The following LINGO2 variants were observed in gnomAD, a reference collection of about 807,000 sequenced individuals.
The protein encoded by LINGO2 is leucine-rich repeat and immunoglobulin-like domain-containing nogo receptor-interacting protein 2.
In LINGO2, 14 loss-of-function variants were observed where a neutral mutation model predicts 30.6. The observed-to-expected ratio is 0.46, with a 90% CI of 0.30 to 0.72. The LOEUF is 0.72. Ranked by LOEUF, LINGO2 falls within the 30% of genes least tolerant of loss-of-function variation. The pLI, the probability that LINGO2 is intolerant of heterozygous loss-of-function variation, is 0.07. For synonymous variants in LINGO2, 317 were observed against 288.5 expected (o/e 1.10, Z -1.00); for missense variants, 729 against 751.7 (o/e 0.97, Z 0.35).
At chr9:29,003,965 T>C in the LINGO2 span, among the ~76,000 whole-genome samples, 22,777 of 151,962 alleles carry the variant, frequency 0.15, 2,078 homozygotes, top group South Asian at 0.2. Flanking sequence ...AAAATCTAAA[T>C]TGACTCTATT....
chr9:29,103,466 A>G, the LINGO2 span, among the ~76,000 whole-genome samples: 9 of 152,092 alleles, frequency 5.9e-5, no homozygotes, highest in Non-Finnish European at 1.2e-4. Flanking sequence ...CTATAGCAAC[A>G]TAATAATTTA....
the LINGO2 span, among the ~76,000 whole-genome samples, chr9:29,045,254 T>A: frequency 1.3e-5 from 2 of 152,080 alleles, no homozygotes; most frequent in Non-Finnish European, 2.9e-5. Context: ...ATCTCTGGAA[T>A]GTTCCGTTTA....
At chr9:27,998,632 G>A (rs926754149) in intron 5 of LINGO2, among the ~76,000 whole-genome samples, 1 of 152,124 alleles carries the variant, frequency 6.6e-6, no homozygotes, top group Non-Finnish European at 1.5e-5. Flanking sequence ...TGAAAAAGAA[G>A]TAGCTGTGCG....
the LINGO2 span, among the ~76,000 whole-genome samples, chr9:29,006,646 T>C: frequency 1.3e-5 from 2 of 152,086 alleles, no homozygotes; most frequent in African/African-American, 4.8e-5. Context: ...TTTTTTCTTT[T>C]TCTTGTAGCA....
chr9:29,036,677 A>C, the LINGO2 span, among the ~76,000 whole-genome samples: 1 of 152,016 alleles, frequency 6.6e-6, no homozygotes, highest in African/African-American at 2.4e-5. Flanking sequence ...GATCACTATC[A>C]CTCATTCCAT....
intron 3 of LINGO2, among the ~76,000 whole-genome samples, chr9:28,367,119 A>T (rs370528203): frequency 1.4e-5 from 1 of 69,532 alleles, no homozygotes; most frequent in Non-Finnish European, 2.9e-5. Context: ...AAGTCAGCAC[A>T]TATTATTATG....
the LINGO2 span, among the ~76,000 whole-genome samples, chr9:28,919,284 C>T: frequency 3.3e-5 from 5 of 152,018 alleles, no homozygotes; most frequent in Non-Finnish European, 7.4e-5. Context: ...GCCATGAATC[C>T]GTATGATGAT....
chr9:28,013,404 G>T (rs1302694443), intron 4 of LINGO2, among the ~76,000 whole-genome samples: 1 of 152,180 alleles, frequency 6.6e-6, no homozygotes, highest in South Asian at 2.1e-4. Context: ...CTTATCTGCT[G>T]TACTCAGGGA....
intron 1 of LINGO2, among the ~76,000 whole-genome samples, chr9:28,510,682 A>ATGTGTG (rs55645356): frequency 6.7e-6 from 1 of 150,302 alleles, no homozygotes; most frequent in African/African-American, 2.4e-5. Flanking sequence ...CTGTATATAT[A>ATGTGTG]TGTGTGTGTG....
intron 4 of LINGO2, among the ~76,000 whole-genome samples, chr9:28,096,217 G>T (rs138497364): frequency 1.9e-4 from 29 of 152,194 alleles, no homozygotes; most frequent in African/African-American, 6.5e-4. Context: ...AACAGTAATA[G>T]GGATTAAATA....
At chr9:28,894,821 A>T in the LINGO2 span, among the ~76,000 whole-genome samples, 1 of 152,232 alleles carries the variant, frequency 6.6e-6, no homozygotes, top group East Asian at 1.9e-4. Flanking sequence ...CAAGCTAATC[A>T]ACATATGAAT....
At chr9:28,675,926 CAT>C in the LINGO2 span, among the ~76,000 whole-genome samples, 732 of 87,208 alleles carry the variant, frequency 8.4e-3, 12 homozygotes, top group African/African-American at 0.037. Context: ...TATATATATA[CAT>C]ACACACACAC....
At chr9:28,505,883 T>G (rs2135336431) in intron 1 of LINGO2, among the ~76,000 whole-genome samples, 1 of 152,030 alleles carries the variant, frequency 6.6e-6, no homozygotes, top group Admixed American at 6.6e-5. Flanking sequence ...CTATCCCAAA[T>G]ACTGATGACT....
chr9:28,949,967 T>A, the LINGO2 span, among the ~76,000 whole-genome samples: 1 of 151,848 alleles, frequency 6.6e-6, no homozygotes, highest in Non-Finnish European at 1.5e-5. Flanking sequence ...GCTGGTTCAA[T>A]ATACACAAGT....
chr9:28,740,069 T>A, the LINGO2 span, among the ~76,000 whole-genome samples: 1 of 151,726 alleles, frequency 6.6e-6, no homozygotes, highest in East Asian at 1.9e-4. Context: ...TTGTTTTTGA[T>A]TTCTCACTTA....
chr9:28,059,282 T>C (rs1265683140), intron 4 of LINGO2, among the ~76,000 whole-genome samples: 2 of 152,092 alleles, frequency 1.3e-5, no homozygotes, highest in African/African-American at 4.8e-5. Context: ...ACCTGTTTCT[T>C]TGTTGGATTA....
chr9:28,787,821 C>G, the LINGO2 span, among the ~76,000 whole-genome samples: 1 of 152,118 alleles, frequency 6.6e-6, no homozygotes, highest in African/African-American at 2.4e-5. Flanking sequence ...AAAAATAACA[C>G]TTCTAATGAT....
rs145422283 is a variant in LINGO2, at chr9:28,472,657, C to CT, written c.-279+3282dup. ...CCCTTGCAACTGTTGGATTAGTGCTCTTTTTTTATTTATTTTGGTCTCTTC... is the reference window on the plus strand; with the variant it reads ...CCCTTGCAACTGTTGGATTAGTGCTCTTTTTTTTATTTATTTTGGTCTCTTC... On this transcript the variant is annotated intron_variant, in intron 2 of 5. Coordinates refer to ENST00000379992, the Ensembl canonical transcript of LINGO2. Among the ~76,000 whole-genome samples, 792 of 152,008 alleles carry CT rather than the reference C, an allele frequency of 5.2e-3. 36 individuals are homozygous for CT. In the East Asian group the frequency reaches 0.094, roughly 18 times the overall value.
At chr9:28,214,801 T>C (rs775612306) in intron 4 of LINGO2, among the ~76,000 whole-genome samples, 7 of 151,744 alleles carry the variant, frequency 4.6e-5, no homozygotes, top group Admixed American at 4.6e-4. Context: ...TTTGGCAATG[T>C]GATGCTAGAG....
Sources: gnomAD v4.1 joint callset for allele counts (sites outside exome capture counted in the v4.1 genomes callset) on GRCh38, gnomAD v4.1.1 for gene constraint, MANE v1.5 for transcripts, NCBI Gene and HGNC (gene_info 2026-07-23, HGNC 2026-07-21) for gene names.